Variants in ANXA5 observed in about 807,000 individuals in gnomAD.
ANXA5 encodes the protein annexin A5.
A neutral mutation model predicts 48.1 loss-of-function variants in ANXA5; 40 were observed. That is an observed-to-expected ratio of 0.83 (90% CI 0.65 to 1.08). The LOEUF (loss-of-function observed/expected upper bound fraction) is 1.08, where lower values mean the gene tolerates loss of function less well. Ranked by LOEUF, ANXA5 falls within the 50% of genes least tolerant of loss-of-function variation. The probability of loss-of-function intolerance (pLI) is 0.00; values close to 1 mark genes in which losing one functional copy is unlikely to be tolerated. For missense variants in ANXA5, 357 were observed against 376.8 expected (o/e 0.95, Z 0.44); for synonymous variants, 113 against 129.1 (o/e 0.88, Z 0.85).
chr4:121,675,445 C>T (rs564392073), intron 8 of ANXA5, among the ~76,000 whole-genome samples: 25 of 152,246 alleles, frequency 1.6e-4, no homozygotes, highest in African/African-American at 5.3e-4. Flanking sequence ...TTGGTGTGTT[C>T]CTTTTTATAA....
chr4:121,676,540 C>T (rs1724701088), intron 8 of ANXA5, among the ~76,000 whole-genome samples: 1 of 152,160 alleles, frequency 6.6e-6, no homozygotes, highest in African/African-American at 2.4e-5. Context: ...ATTCATTCAT[C>T]AGTTATTTAC....
At chr4:121,679,688 C>A (rs947940036) in intron 6 of ANXA5, among the ~76,000 whole-genome samples, 5 of 152,136 alleles carry the variant, frequency 3.3e-5, no homozygotes, top group African/African-American at 1.2e-4. Context: ...GTACCTCACC[C>A]AAAAATATCT....
intron 2 of ANXA5, among the ~76,000 whole-genome samples, chr4:121,694,430 G>A (rs1489922096): frequency 1.3e-5 from 2 of 152,078 alleles, no homozygotes; most frequent in Non-Finnish European, 2.9e-5. Flanking sequence ...TGTTGCCCAG[G>A]CTGGAGTGCA....
At position 121,671,644 on chromosome 4, in the gene ANXA5, T is replaced by C. The variant is rs758672905; in HGVS notation, c.626-2A>G. ...ATATAGTCATGTACTTGTCAAACAC[T>C]AGAAAAAATAAAAATGATTCCCTAA... On this transcript the variant is annotated splice_acceptor_variant, in intron 9 of 12. Coordinates refer to ENST00000296511, the MANE Select transcript of ANXA5 (RefSeq NM_001154.4). LOFTEE classifies it high-confidence loss of function. The C allele has an allele frequency of 3.1e-6, 5 of 1,594,788 alleles. No homozygotes were observed. The highest frequency in any genetic ancestry group is 4.3e-6 in the Non-Finnish European group (5 of 1,163,304).
At chr4:121,673,523 A>G (rs921673891) in intron 8 of ANXA5, among the ~76,000 whole-genome samples, 6 of 152,234 alleles carry the variant, frequency 3.9e-5, no homozygotes, top group Admixed American at 2.6e-4. Flanking sequence ...GGAAGTGATA[A>G]TAACAGGCTT....
Position 121,669,674 on chromosome 4 carries a change from A to G in ANXA5, c.831T>C (p.Ser277=), listed in dbSNP as rs1443504478. The G allele has an allele frequency of 6.2e-7, 1 of 1,605,900 alleles. No individual in the cohort carries two copies. Among genetic ancestry groups the G allele is most frequent in the African/African-American group, 1.4e-5 (1 of 73,096 alleles). Residue 277 remains serine, a synonymous_variant, in exon 12 of 13, where the codon AGT becomes AGC. Transcript: ENST00000296511. ...HTLIRVMVSR[S]EIDLFNIRKE... Reference sequence around the variant, plus strand: ...TCCTGATGTTAAACAGATCAATCTCACTCCTGGAAACCATGACTCTGATGA... The same window carrying G: ...TCCTGATGTTAAACAGATCAATCTCGCTCCTGGAAACCATGACTCTGATGA...
intron 7 of ANXA5, chr4:121,678,210 C>T: frequency 8.2e-6 from 5 of 609,446 alleles, no homozygotes; most frequent in Non-Finnish European, 1.4e-5. Flanking sequence ...CTATCTAAAA[C>T]ATGTATGAGT....
chr4:121,685,976 T>C (rs1724881153), intron 3 of ANXA5, among the ~76,000 whole-genome samples: 1 of 151,922 alleles, frequency 6.6e-6, no homozygotes, highest in South Asian at 2.1e-4. Flanking sequence ...CAGCTCTGAA[T>C]GCAGCCTAAC....
At chr4:121,678,805 T>C (rs1314598938) in intron 6 of ANXA5, among the ~76,000 whole-genome samples, 1 of 152,206 alleles carries the variant, frequency 6.6e-6, no homozygotes, top group Admixed American at 6.5e-5. Flanking sequence ...CAAAACACAA[T>C]CAATCATAAG....
At chr4:121,686,506 C>A in intron 2 of ANXA5, 134 bp from the exon 3 acceptor site, 1 of 685,292 alleles carries the variant, frequency 1.5e-6, no homozygotes, top group Non-Finnish European at 2.5e-6. Flanking sequence ...GATTTGTGAC[C>A]CCTTTTGAAC....
intron 3 of ANXA5, among the ~76,000 whole-genome samples, chr4:121,685,443 G>GT: frequency 6.6e-6 from 1 of 152,168 alleles, no homozygotes; most frequent in Non-Finnish European, 1.5e-5. Context: ...GTGAAAGGCA[G>GT]TGACGAAAGG....
chr4:121,682,193 T>C (rs1245691999), intron 5 of ANXA5, among the ~76,000 whole-genome samples: 1 of 152,108 alleles, frequency 6.6e-6, no homozygotes, highest in East Asian at 1.9e-4. Flanking sequence ...CCTCAAAAGA[T>C]AAACCCCTGA....
intron 2 of ANXA5, among the ~76,000 whole-genome samples, chr4:121,692,802 GCAATGCATCTATTATAT>G (rs1294221328): frequency 6.6e-6 from 1 of 152,174 alleles, no homozygotes; most frequent in African/African-American, 2.4e-5. Context: ...AAAAGACTTG[GCAATGCATCTATTATAT>G]CAATAAATCT....
intron 6 of ANXA5, among the ~76,000 whole-genome samples, chr4:121,678,827 T>C (rs1402273219): frequency 6.6e-6 from 1 of 152,252 alleles, no homozygotes; most frequent in Non-Finnish European, 1.5e-5. Flanking sequence ...TTAAACTCTG[T>C]TTTGCTTTCT....
intron 4 of ANXA5, among the ~76,000 whole-genome samples, chr4:121,683,694 ATT>A (rs1724830583): frequency 1.3e-5 from 2 of 152,140 alleles, no homozygotes; most frequent in African/African-American, 4.8e-5. Context: ...ACGTCAAGAT[ATT>A]TGTTTCTAAA....
In ANXA5 at chr4:121,696,571, A is replaced by G; in HGVS notation, c.9+10T>C. 1 of 1,404,112 alleles carries G rather than the reference A, an allele frequency of 7.1e-7. No individual in the cohort carries two copies. The highest frequency in any genetic ancestry group is 9.4e-7 in the Non-Finnish European group (1 of 1,067,842). 87.0% of individuals were successfully genotyped at this position (1,404,112 alleles called of 1,614,324 possible). A position where few individuals can be genotyped will look rare whatever the true frequency, so the allele number is the denominator to read the frequency against. ...GTAAATCCAGCGCAGTGGGGGGCGC[A>G]CGGCCTTACCTGTGCCATGGCGACT... On this transcript the variant is annotated intron_variant, in intron 2 of 12. Transcript: ENST00000296511.
intron 6 of ANXA5, 51 bp from the exon 7 acceptor site, chr4:121,678,545 G>C (rs1724736023): frequency 1.4e-6 from 2 of 1,425,500 alleles, no homozygotes; most frequent in Non-Finnish European, 2.0e-6. Flanking sequence ...AACTAGAAAA[G>C]TAATCTTGCC....
chr4:121,675,625 G>A (rs1302281091), intron 8 of ANXA5, among the ~76,000 whole-genome samples: 1 of 152,194 alleles, frequency 6.6e-6, no homozygotes, highest in Non-Finnish European at 1.5e-5. Context: ...CCATAAAGCA[G>A]TTTTCACATG....
At chr4:121,688,823 C>A (rs918750317) in intron 2 of ANXA5, among the ~76,000 whole-genome samples, 1 of 152,138 alleles carries the variant, frequency 6.6e-6, no homozygotes, top group African/African-American at 2.4e-5. Context: ...GCTTTCACTC[C>A]CTCTGTGCCT....
Sources: allele counts gnomAD v4.1 joint callset (sites outside exome capture counted in the v4.1 genomes callset), GRCh38; gene constraint gnomAD v4.1.1; transcripts MANE v1.5; gene names NCBI Gene and HGNC (gene_info 2026-07-23, HGNC 2026-07-21).